The following ASTN2 variants were observed in gnomAD, a reference collection of about 807,000 sequenced individuals.
The protein encoded by ASTN2 is astrotactin 2, also known as astrotactin-2.
ASTN2 carries 54 observed loss-of-function variants against 139.8 expected under a neutral mutation model. The ratio of observed to expected loss-of-function variants is 0.39; its 90% CI spans 0.31 to 0.48. The LOEUF is 0.48. ASTN2 is among the 20% of genes least tolerant of loss of function. The pLI is 0.95. For missense variants in ASTN2, 1,565 were observed against 1,725.1 expected, an observed-to-expected ratio of 0.91 and a Z score of 1.64; for synonymous variants, 756 against 719.5, an observed-to-expected ratio of 1.05 and a Z score of -0.81.
chr9:117,337,697 G>C (rs987049557), intron 1 of ASTN2, among the ~76,000 whole-genome samples: 12 of 152,152 alleles, frequency 7.9e-5, no homozygotes, highest in African/African-American at 2.4e-4. Flanking sequence ...AGGTATCATG[G>C]AGAGAAAAGT....
intron 3 of ASTN2, among the ~76,000 whole-genome samples, chr9:117,213,508 A>G (rs541398291): frequency 6.6e-5 from 10 of 152,322 alleles, no homozygotes; most frequent in Non-Finnish European, 1.5e-4. Context: ...AATTACCCTG[A>G]TCTGATCACC....
chr9:116,947,460 T>C (rs1835429352), intron 10 of ASTN2, among the ~76,000 whole-genome samples: 1 of 152,186 alleles, frequency 6.6e-6, no homozygotes, highest in African/African-American at 2.4e-5. Context: ...ATGACTTTCT[T>C]TTTCTATTCT....
intron 4 of ASTN2, among the ~76,000 whole-genome samples, chr9:117,103,022 C>G (rs1250877786): frequency 6.6e-6 from 1 of 152,022 alleles, no homozygotes; most frequent in Admixed American, 6.6e-5. Context: ...ATCAAGAGCT[C>G]AGACCTCTGG....
rs143981620 is a variant in ASTN2 at position 117,385,225 on chromosome 9, A to G, written c.442+29272T>C. 1.8e-3 allele frequency among the ~76,000 whole-genome samples: 281 copies of G among 152,268 alleles called. 2 individuals carry two copies. Among genetic ancestry groups the G allele is most frequent in the African/African-American group, 6.3e-3 (263 of 41,552 alleles). ...AATATGCCTCGAACTCCTGGCCTCAAGTGATCTTCCCACCTCAGTCTCCCA... is the reference window on the plus strand; with the variant it reads ...AATATGCCTCGAACTCCTGGCCTCAGGTGATCTTCCCACCTCAGTCTCCCA... On this transcript the variant is annotated intron_variant, in intron 1 of 22. Transcript: ENST00000313400.
chr9:116,787,017 G>A (rs945293844), intron 13 of ASTN2, among the ~76,000 whole-genome samples: 3 of 152,212 alleles, frequency 2.0e-5, no homozygotes, highest in African/African-American at 7.2e-5. Flanking sequence ...CTTCCGCCAT[G>A]ACTGTAAGTT....
chr9:117,173,481 G>A (rs1830842235), intron 3 of ASTN2, among the ~76,000 whole-genome samples: 1 of 152,058 alleles, frequency 6.6e-6, no homozygotes, highest in South Asian at 2.1e-4. Context: ...ATAAAAAGTA[G>A]CCATGCTCCA....
At chr9:116,587,763 C>G (rs1164580169) in intron 19 of ASTN2, among the ~76,000 whole-genome samples, 1 of 152,032 alleles carries the variant, frequency 6.6e-6, no homozygotes, top group Non-Finnish European at 1.5e-5. Flanking sequence ...AAGGATACAC[C>G]ACATTATAGG....
At chr9:116,890,832 C>A (rs1366215606) in intron 10 of ASTN2, among the ~76,000 whole-genome samples, 8 of 152,158 alleles carry the variant, frequency 5.3e-5, no homozygotes, top group Non-Finnish European at 1.5e-5. Flanking sequence ...GGTATATGAA[C>A]TCAGCACCGC....
intron 10 of ASTN2, among the ~76,000 whole-genome samples, chr9:116,896,732 T>C (rs995632537): frequency 6.6e-6 from 1 of 152,126 alleles, no homozygotes; most frequent in African/African-American, 2.4e-5. Flanking sequence ...ACGTCTCACA[T>C]GGTGGCAGGT....
chr9:117,386,782 C>T (rs1341640272), intron 1 of ASTN2, among the ~76,000 whole-genome samples: 1 of 152,180 alleles, frequency 6.6e-6, no homozygotes, highest in African/African-American at 2.4e-5. Flanking sequence ...TGAAGACCCA[C>T]ATGTGCTGCA....
intron 2 of ASTN2, among the ~76,000 whole-genome samples, chr9:117,231,213 G>A (rs555298181): frequency 8.5e-5 from 13 of 152,326 alleles, no homozygotes; most frequent in South Asian, 4.1e-4. Flanking sequence ...TCACTCTGCT[G>A]AGTGATGAAA....
At position 116,645,239 on chromosome 9, in the gene ASTN2, T is replaced by C. The variant is rs567106667; in HGVS notation, c.3072+6289A>G. On this transcript the variant is annotated intron_variant, in intron 17 of 22. Coordinates refer to ENST00000313400, the MANE Select transcript of ASTN2 (RefSeq NM_001365068.1). ...GCTAAGTTAACAACCACACAAAGTC[T>C]TGTACATTTAAGCACCAGTTGTGCT... is the stretch of plus-strand genomic sequence containing the variant. Among the ~76,000 whole-genome samples the C allele has an allele frequency of 2.6e-5, 4 of 152,296 alleles. No individual in the cohort carries two copies. In the South Asian group the frequency reaches 8.3e-4, roughly 32 times the overall value.
intron 10 of ASTN2, among the ~76,000 whole-genome samples, chr9:116,903,467 A>T (rs1423341519): frequency 6.6e-6 from 1 of 152,162 alleles, no homozygotes; most frequent in Non-Finnish European, 1.5e-5. Context: ...TTGCAATGTG[A>T]CCTTGAGTGT....
chr9:116,712,442 T>C (rs1197643344), intron 16 of ASTN2, among the ~76,000 whole-genome samples: 2 of 152,188 alleles, frequency 1.3e-5, no homozygotes, highest in Admixed American at 6.5e-5. Context: ...GCTGCATCCA[T>C]AGCATCTAGC....
chr9:117,172,982 A>G (rs1346931511), intron 3 of ASTN2, among the ~76,000 whole-genome samples: 4 of 152,132 alleles, frequency 2.6e-5, no homozygotes, highest in Admixed American at 2.6e-4. Context: ...CCTATGCTCT[A>G]GATTTGACTC....
intron 2 of ASTN2, among the ~76,000 whole-genome samples, chr9:117,219,489 T>A (rs992067137): frequency 6.6e-6 from 1 of 152,196 alleles, no homozygotes; most frequent in African/African-American, 2.4e-5. Flanking sequence ...GGTGACAAGC[T>A]GAGACCCTGC....
At chr9:116,866,367 C>A (rs1833013700) in intron 10 of ASTN2, among the ~76,000 whole-genome samples, 1 of 152,202 alleles carries the variant, frequency 6.6e-6, no homozygotes, top group African/African-American at 2.4e-5. Flanking sequence ...TTCAGGGATG[C>A]AGCACAGGGA....
Position 116,535,768 on chromosome 9 carries a change from T to C in ASTN2, c.3356-48268A>G, listed in dbSNP as rs139107321. On this transcript the variant is annotated intron_variant, in intron 19 of 22. Transcript: ENST00000313400. ...TTCCCTTTGTTGGTAACCCGACCTT[T>C]CTCTCTGGCTGCCCTTAACATTTTT... Among the ~76,000 whole-genome samples the C allele has an allele frequency of 0.017, 2,593 of 152,126 alleles. 216 individuals carry two copies. In the South Asian group the frequency reaches 0.25, roughly 15 times the overall value.
At chr9:117,222,623 A>C (rs1564488558) in intron 2 of ASTN2, among the ~76,000 whole-genome samples, 1 of 152,140 alleles carries the variant, frequency 6.6e-6, no homozygotes, top group African/African-American at 2.4e-5. Flanking sequence ...CCTCATTCTT[A>C]TTCCTCACCC....
Sources: allele counts gnomAD v4.1 joint callset (sites outside exome capture counted in the v4.1 genomes callset), GRCh38; gene constraint gnomAD v4.1.1; transcripts MANE v1.5; gene names NCBI Gene and HGNC (gene_info 2026-07-23, HGNC 2026-07-21).